LRIG2: variants seen among roughly 807,000 people sequenced by gnomAD.
LRIG2 encodes leucine rich repeats and immunoglobulin like domains 2.
In LRIG2, 93 loss-of-function variants were observed where a neutral mutation model predicts 107.8. The ratio of observed to expected loss-of-function variants is 0.86; its 90% CI spans 0.73 to 1.03. The LOEUF (loss-of-function observed/expected upper bound fraction) is 1.03, where lower values mean the gene tolerates loss of function less well. Among genes scored for constraint, LRIG2 ranks in the 50% least tolerant of loss-of-function variants. The pLI, the probability that LRIG2 is intolerant of heterozygous loss-of-function variation, is 0.00. For synonymous variants in LRIG2, 471 were observed against 470.6 expected (o/e 1.00, Z -0.01); for missense variants, 1,226 against 1,296.0 (o/e 0.95, Z 0.83).
intron 1 of LRIG2, among the ~76,000 whole-genome samples, chr1:113,089,903 C>T (rs1414669798): frequency 6.6e-6 from 1 of 151,720 alleles, no homozygotes; most frequent in Non-Finnish European, 1.5e-5. Flanking sequence ...CTATGTTGGC[C>T]AGGCTGGTCT....
At chr1:113,093,356 T>C in intron 3 of LRIG2, 74 bp from the exon 4 acceptor site, 1 of 1,568,924 alleles carries the variant, frequency 6.4e-7, no homozygotes, top group East Asian at 2.2e-5. Flanking sequence ...ACATATATTG[T>C]TGATTCTAAT....
intron 7 of LRIG2, 101 bp downstream of exon 7, chr1:113,096,118 T>C (rs1654054723): frequency 6.3e-7 from 1 of 1,577,126 alleles, no homozygotes; most frequent in Non-Finnish European, 8.6e-7. Flanking sequence ...CCCTCTTTAC[T>C]AGAAATTTGT....
chr1:113,084,259 A>G (rs1408570006), intron 1 of LRIG2, among the ~76,000 whole-genome samples: 1 of 131,340 alleles, frequency 7.6e-6, no homozygotes, highest in Non-Finnish European at 1.6e-5. Flanking sequence ...TCTGTCACCC[A>G]GGCTAGAGTG....
chr1:113,073,644 C>T lies in LRIG2; in HGVS notation c.238C>T (p.Leu80=), dbSNP rs753183308. The T allele has an allele frequency of 2.5e-6, 4 of 1,610,402 alleles. No homozygotes were observed. Among genetic ancestry groups the T allele is most frequent in the African/African-American group, 2.7e-5 (2 of 74,894 alleles). ...SGLLPPDTAI[L]DFSHNRLSNW... is the part of the protein sequence containing the mutation. The stretch of plus-strand genomic sequence containing the variant: ...CTTGCTGCCCCCCGACACCGCTATC[C>T]TGTGAGTAGAGCGGCCAGGCAGAGT... The change falls in exon 1 of 18, where the codon CTG becomes TTG. Residue 80 remains leucine (L), a splice_region_variant and synonymous_variant. Transcript: ENST00000361127.
At chr1:113,077,362 G>A (rs186427990) in intron 1 of LRIG2, among the ~76,000 whole-genome samples, 6 of 152,064 alleles carry the variant, frequency 3.9e-5, no homozygotes, top group South Asian at 2.1e-4. Flanking sequence ...GGCTGGTGTC[G>A]AACTCCTGAC....
intron 1 of LRIG2, among the ~76,000 whole-genome samples, chr1:113,081,845 G>T (rs112396682): frequency 0.029 from 4,394 of 152,220 alleles, 213 homozygotes; most frequent in African/African-American, 0.1. Context: ...CTAAAGTTGA[G>T]ATACTTCAAA....
rs1655551371 is a variant in LRIG2 at position 113,127,950 on chromosome 1, C to G, written c.*3849C>G. 1.3e-5 allele frequency: 2 copies of G among 152,126 alleles called. No homozygotes were observed. Among genetic ancestry groups the G allele is most frequent in the African/African-American group, 4.8e-5 (2 of 41,398 alleles). 9.4% of individuals were successfully genotyped at this position (152,126 alleles called of 1,614,324 possible). ...AGAGCTTTAGGTAAATAACTTCACA[C>G]TCTAATGCAATGTAATTCTTTCTTT... On this transcript the variant is annotated 3_prime_UTR_variant, in exon 18 of 18. Transcript: ENST00000361127.
intron 14 of LRIG2, among the ~76,000 whole-genome samples, chr1:113,113,737 A>AT (rs999870825): frequency 3.3e-5 from 5 of 150,822 alleles, no homozygotes; most frequent in Non-Finnish European, 7.4e-5. Flanking sequence ...TAATTTTTGT[A>AT]TTTTTTTTAG....
At chr1:113,094,505 T>C (rs1653962647) in intron 5 of LRIG2, 23 bp downstream of exon 5, 1 of 1,586,246 alleles carries the variant, frequency 6.3e-7, no homozygotes, top group Admixed American at 1.9e-5. Flanking sequence ...ATAGACGGAT[T>C]ATAAGAAGAT....
rs374559020 is a variant in LRIG2 at position 113,096,357 on chromosome 1, T to C, written c.1083T>C (p.Leu361=). 2.6e-5 allele frequency: 42 copies of C among 1,613,166 alleles called. No individual in the cohort carries two copies. The highest frequency in any genetic ancestry group is 3.6e-5 in the Non-Finnish European group (42 of 1,179,810). The change falls in exon 8 of 18, where the codon CTT becomes CTC. Residue 361 remains leucine (L), a synonymous_variant. Transcript: ENST00000361127. ...ADGVFRFLSN[L]QTLDLRNNEI... ...GTGTATTTAGATTTCTTTCCAATCT[T>C]CAGACATTGTAAGTATATCCATTCT...
chr1:113,081,790 G>T (rs923191477), intron 1 of LRIG2, among the ~76,000 whole-genome samples: 1 of 152,190 alleles, frequency 6.6e-6, no homozygotes, highest in Non-Finnish European at 1.5e-5. Flanking sequence ...CTAAGTGCTG[G>T]ATTACAGGCA....
intron 2 of LRIG2, among the ~76,000 whole-genome samples, chr1:113,091,930 T>C (rs373329697): frequency 1.3e-4 from 20 of 152,368 alleles, no homozygotes; most frequent in East Asian, 3.9e-4. Context: ...GTTACATTCC[T>C]AGAGGCACAA....
intron 1 of LRIG2, among the ~76,000 whole-genome samples, chr1:113,080,038 T>TTTC: frequency 6.7e-6 from 1 of 149,330 alleles, no homozygotes; most frequent in African/African-American, 2.5e-5. Flanking sequence ...TTTTTTTTTT[T>TTTC]TGAGACGGAA....
chr1:113,090,257 A>T (rs1050638350), intron 1 of LRIG2, among the ~76,000 whole-genome samples: 1 of 152,224 alleles, frequency 6.6e-6, no homozygotes, highest in African/African-American at 2.4e-5. Flanking sequence ...CTGTACATGC[A>T]TAAAATATCC....
chr1:113,104,943 C>T (rs928789958), intron 11 of LRIG2, among the ~76,000 whole-genome samples: 21 of 152,044 alleles, frequency 1.4e-4, no homozygotes, highest in African/African-American at 4.6e-4. Flanking sequence ...GTCATGAGTT[C>T]GAGACCAGCC....
At chr1:113,073,836 T>G (rs2101006713) in intron 1 of LRIG2, among the ~76,000 whole-genome samples, 191 bp downstream of exon 1, 1 of 152,150 alleles carries the variant, frequency 6.6e-6, no homozygotes, top group Admixed American at 6.5e-5. Flanking sequence ...TTAAGGTTTC[T>G]GGAGAATTGT....
intron 1 of LRIG2, among the ~76,000 whole-genome samples, chr1:113,077,149 T>C (rs761236204): frequency 6.5e-4 from 99 of 152,092 alleles, no homozygotes; most frequent in Non-Finnish European, 1.2e-3. Flanking sequence ...TAAATTTTTT[T>C]TCTTTTTTTT....
chr1:113,093,677 G>A (rs546176942), intron 4 of LRIG2, 113 bp downstream of exon 4: 105 of 586,316 alleles, frequency 1.8e-4, no homozygotes, highest in Admixed American at 2.6e-4. Context: ...AATGCTAGAT[G>A]ACGAGTTAGT....
chr1:113,112,916 A>T (rs1321393498), intron 14 of LRIG2, among the ~76,000 whole-genome samples, 156 bp downstream of exon 14: 1 of 152,146 alleles, frequency 6.6e-6, no homozygotes, highest in Non-Finnish European at 1.5e-5. Context: ...TCAGTCTAGG[A>T]ATTAGTGGGT....
Sources: allele counts gnomAD v4.1 joint callset (sites outside exome capture counted in the v4.1 genomes callset), GRCh38; gene constraint gnomAD v4.1.1; transcripts MANE v1.5; gene names NCBI Gene and HGNC (gene_info 2026-07-23, HGNC 2026-07-21).